POLR3B: variants seen among roughly 807,000 people sequenced by gnomAD.
The protein encoded by POLR3B is RNA polymerase III subunit B.
POLR3B carries 96 observed loss-of-function variants against 147.4 expected under a neutral mutation model. The observed-to-expected ratio is 0.65, with a 90% CI of 0.55 to 0.77. POLR3B has a LOEUF of 0.77. POLR3B is among the 30% of genes least tolerant of loss of function. The pLI is 0.00. For missense variants in POLR3B, 1,036 were observed against 1,413.5 expected (o/e 0.73, Z 4.28); for synonymous variants, 461 against 485.9 (o/e 0.95, Z 0.67).
At chr12:106,396,310 C>T (rs1283165915) in intron 10 of POLR3B, among the ~76,000 whole-genome samples, 1 of 152,198 alleles carries the variant, frequency 6.6e-6, no homozygotes, top group Non-Finnish European at 1.5e-5. Flanking sequence ...AACTGACCTG[C>T]TTTCTTCAGT....
At chr12:106,363,960 T>G in intron 2 of POLR3B, 58 bp downstream of exon 2, 3 of 1,266,890 alleles carry the variant, frequency 2.4e-6, no homozygotes, top group Non-Finnish European at 3.4e-6. Context: ...AGTCAAGAAA[T>G]AAGCCATTTT....
At chr12:106,499,325 G>A (rs912338116) in intron 25 of POLR3B, among the ~76,000 whole-genome samples, 1 of 152,112 alleles carries the variant, frequency 6.6e-6, no homozygotes, top group African/African-American at 2.4e-5. Context: ...GAATTGGATG[G>A]GTTATATCCT....
chr12:106,433,828 A>G lies in POLR3B; in HGVS notation c.1737A>G (p.Thr579=), dbSNP rs753176222. ...TTGTTTCCATCTCAACAAATCTTAC[A>G]GATCGATGTGTCTATATTTCTTCTG... The part of the protein sequence containing the change: ...NEFVSISTNL[T]DRCVYISSDG... The change falls in exon 16 of 28, where the codon ACA becomes ACG. Residue 579 remains threonine, a synonymous_variant. Transcript: ENST00000228347. 3.1e-6 allele frequency: 5 copies of G among 1,613,626 alleles called. No individual in the cohort carries two copies. The South Asian group carries it at 3.3e-5, about 11-fold the overall frequency.
intron 18 of POLR3B, among the ~76,000 whole-genome samples, chr12:106,440,647 G>A (rs1259929694): frequency 2.0e-5 from 3 of 151,940 alleles, no homozygotes; most frequent in Admixed American, 6.5e-5. Flanking sequence ...CTTCACTTAG[G>A]TGTCACCTTC....
At chr12:106,405,221 A>T (rs561866706) in intron 10 of POLR3B, among the ~76,000 whole-genome samples, 2 of 152,154 alleles carry the variant, frequency 1.3e-5, no homozygotes, top group African/African-American at 4.8e-5. Context: ...TTCCATGTAA[A>T]TTTTAGAATC....
chr12:106,429,240 C>T (rs1412141318), intron 13 of POLR3B, among the ~76,000 whole-genome samples: 1 of 152,126 alleles, frequency 6.6e-6, no homozygotes, highest in African/African-American at 2.4e-5. Context: ...GCAGCCCCTG[C>T]CTTTTGGGCT....
Position 106,417,614 on chromosome 12 carries a change from T to C in POLR3B, c.1101+6654T>C, listed in dbSNP as rs114656484. ...AGTACCACAACTAAAATTTAAAAAC[T>C]AGAATTATGAAATTATAGTAACTTT... On this transcript the variant is annotated intron_variant, in intron 12 of 27. Transcript: ENST00000228347. Among the ~76,000 whole-genome samples the C allele has an allele frequency of 4.5e-3, 681 of 152,232 alleles. 4 individuals are homozygous for C. The highest frequency in any genetic ancestry group is 0.016 in the African/African-American group (656 of 41,560).
chr12:106,440,160 A>C (rs1269348236), intron 18 of POLR3B, among the ~76,000 whole-genome samples: 6 of 152,218 alleles, frequency 3.9e-5, no homozygotes, highest in Admixed American at 2.6e-4. Context: ...TCAAGCCAAC[A>C]AAACTGTCTA....
chr12:106,454,545 G>A lies in POLR3B; in HGVS notation c.2127G>A (p.Met709Ile), dbSNP rs1383826474. The change falls in exon 20 of 28, where the codon ATG (methionine) becomes ATA (isoleucine). Residue 709 changes from methionine (M) to isoleucine (I), a missense_variant. By Grantham distance (10) the Met-to-Ile change is conservative. Coordinates refer to ENST00000228347, the MANE Select transcript of POLR3B (RefSeq NM_018082.6). ...AGCGAAACAGAATTGATACTCTCAT[G>A]TATCTACTAGCATATCCACAAAAAC... is the stretch of plus-strand genomic sequence containing the variant. ...YNQRNRIDTL[M>I]YLLAYPQKPM... 3.1e-6 allele frequency: 5 copies of A among 1,607,690 alleles called. No individual in the cohort carries two copies. The highest frequency in any genetic ancestry group is 1.1e-5 in the South Asian group (1 of 90,988).
chr12:106,477,894 T>TCC lies in POLR3B; in HGVS notation c.2713+14274_2713+14275insCC, dbSNP rs1565909295. Among the ~76,000 whole-genome samples the TCC allele has an allele frequency of 9.1e-3, 467 of 51,250 alleles. 8 individuals are homozygous for TCC. Among genetic ancestry groups the TCC allele is most frequent in the African/African-American group, 0.045 (430 of 9,608 alleles). The allele number at this position is 51,250 out of a possible 152,430, so 33.6% of individuals were successfully genotyped here. A position where few individuals can be genotyped will look rare whatever the true frequency, so the allele number is the denominator to read the frequency against. On this transcript the variant is annotated intron_variant, in intron 23 of 27. Transcript: ENST00000228347. ...TTCGGCCATCTTGGCTCCTCCCCTT[T>TCC]TTTTTTTTTTTTTTTTTTTTTTTTT...
chr12:106,498,877 C>T (rs529152235), intron 25 of POLR3B, among the ~76,000 whole-genome samples: 77 of 152,314 alleles, frequency 5.1e-4, no homozygotes, highest in African/African-American at 1.5e-3. Context: ...TGAGCCACCA[C>T]GCCCTAAGGT....
intron 23 of POLR3B, among the ~76,000 whole-genome samples, chr12:106,481,344 C>T (rs1220586033): frequency 6.6e-6 from 1 of 152,230 alleles, no homozygotes; most frequent in Non-Finnish European, 1.5e-5. Flanking sequence ...GAGAAGGGAT[C>T]AGAGTCTGGA....
Position 106,433,812 on chromosome 12 carries a change from T to A in POLR3B, c.1721T>A (p.Ile574Asn), listed in dbSNP as rs1418637829. The A allele has an allele frequency of 1.2e-6, 2 of 1,613,598 alleles. No homozygotes were observed. Among genetic ancestry groups the A allele is most frequent in the East Asian group, 2.2e-5 (1 of 44,852 alleles). Residue 574 changes from isoleucine to asparagine, a missense_variant, in exon 16 of 28, where the codon ATC becomes AAC. Physicochemically the swap from Ile to Asn is moderately radical, Grantham distance 149 (BLOSUM62 -3). Around this residue, in one of 12 missense-constraint regions of POLR3B, gnomAD observed 177 missense variants for 232.7 expected, o/e 0.76. Transcript: ENST00000228347. ...RAGYINEFVS[I>N]STNLTDRCVY... ...GGATATATCAATGAATTTGTTTCCA[T>A]CTCAACAAATCTTACAGATCGATGT... is the stretch of plus-strand genomic sequence containing the variant.
intron 27 of POLR3B, among the ~76,000 whole-genome samples, chr12:106,507,261 G>C (rs186515268): frequency 2.2e-4 from 34 of 152,266 alleles, no homozygotes; most frequent in Non-Finnish European, 2.9e-5. Context: ...TTCACGTCAA[G>C]TTTCTACCTT....
intron 1 of POLR3B, among the ~76,000 whole-genome samples, chr12:106,359,260 G>T (rs757084031): frequency 1.3e-5 from 2 of 151,636 alleles, no homozygotes; most frequent in Non-Finnish European, 2.9e-5. Context: ...AGTTAAGGAA[G>T]TTGAATTAGC....
At position 106,433,752 on chromosome 12, in the gene POLR3B, A is replaced by C; in HGVS notation, c.1661A>C (p.Lys554Thr). ...TTAGGTGTCATTCGAGACCACAAAAAGCTAGTGAATACATTTCGACTCATG... is the reference window on the plus strand; with the variant it reads ...TTAGGTGTCATTCGAGACCACAAAACGCTAGTGAATACATTTCGACTCATG... ...NILGVIRDHK[K>T]LVNTFRLMRR... The change falls in exon 16 of 28, where the codon AAG becomes ACG. Residue 554 changes from lysine to threonine, a missense_variant. By Grantham distance (78) the Lys-to-Thr change is moderately conservative. This residue lies in a region of POLR3B where 177 missense variants were observed against 232.7 expected (regional missense o/e 0.76). Transcript: ENST00000228347. The C allele has an allele frequency of 1.2e-6, 2 of 1,613,714 alleles. No individual in the cohort carries two copies. Among genetic ancestry groups the C allele is most frequent in the Non-Finnish European group, 1.7e-6 (2 of 1,179,768 alleles).
intron 9 of POLR3B, among the ~76,000 whole-genome samples, chr12:106,387,776 C>T (rs11112965): frequency 0.065 from 9,925 of 152,224 alleles, 386 homozygotes; most frequent in East Asian, 0.14. Context: ...GCATATTTTC[C>T]AGTCTCTTTA....
chr12:106,378,152 G>A (rs1314907393), intron 7 of POLR3B, 115 bp from the exon 8 acceptor site: 5 of 771,732 alleles, frequency 6.5e-6, no homozygotes, highest in Non-Finnish European at 1.2e-5. Context: ...GTGTTAGCCA[G>A]TGCCATGAAG....
At chr12:106,505,937 A>G (rs2038680793) in intron 27 of POLR3B, among the ~76,000 whole-genome samples, 1 of 152,222 alleles carries the variant, frequency 6.6e-6, no homozygotes. Context: ...GATAAATGTC[A>G]AAACTTTCTG....
Sources: gnomAD v4.1 joint callset for allele counts (sites outside exome capture counted in the v4.1 genomes callset) on GRCh38, gnomAD v4.1.1 for gene constraint, gnomAD v4.1.1 regional missense constraint, MANE v1.5 for transcripts, NCBI Gene and HGNC (gene_info 2026-07-23, HGNC 2026-07-21) for gene names.